The following NAV3 variants were observed in gnomAD, a reference collection of about 807,000 sequenced individuals.
The protein encoded by NAV3 is neuron navigator 3.
In NAV3, 87 loss-of-function variants were observed where a neutral mutation model predicts 244.7. The ratio of observed to expected loss-of-function variants is 0.36; its 90% confidence interval spans 0.30 to 0.42. The LOEUF is 0.42. Ranked by LOEUF, NAV3 falls within the 20% of genes least tolerant of loss-of-function variation. The pLI, the probability that NAV3 is intolerant of heterozygous loss-of-function variation, is 1.00. For synonymous variants in NAV3, 1,126 were observed against 1,042.2 expected, an observed-to-expected ratio of 1.08 and a Z score of -1.55; for missense variants, 2,663 against 2,893.3, an observed-to-expected ratio of 0.92 and a Z score of 1.83.
intron 2 of NAV3, among the ~76,000 whole-genome samples, chr12:77,641,391 T>C (rs1249784700): frequency 6.6e-6 from 1 of 152,092 alleles, no homozygotes; most frequent in Admixed American, 6.6e-5. Context: ...AGGCTACTGT[T>C]ACTTGTTGAA....
chr12:78,179,469 G>A (rs1958407065), intron 28 of NAV3, 60 bp from the exon 29 acceptor site: 1 of 1,601,790 alleles, frequency 6.2e-7, no homozygotes, highest in Middle Eastern at 1.7e-4. Flanking sequence ...AAAAGAGGCA[G>A]TGCTTTTCTT....
intron 38 of NAV3, among the ~76,000 whole-genome samples, chr12:78,202,994 T>C (rs537454726): frequency 6.6e-6 from 1 of 152,110 alleles, no homozygotes. Flanking sequence ...TATCTTCAGA[T>C]GAAGGCGGAT....
At chr12:78,095,280 T>A (rs2138103410) in intron 12 of NAV3, among the ~76,000 whole-genome samples, 1 of 152,170 alleles carries the variant, frequency 6.6e-6, no homozygotes, top group South Asian at 2.1e-4. Context: ...AGATAACTAA[T>A]TTCTGAAATT....
chr12:77,992,439 T>G (rs1051650963), intron 5 of NAV3, among the ~76,000 whole-genome samples: 2 of 152,202 alleles, frequency 1.3e-5, no homozygotes, highest in Non-Finnish European at 2.9e-5. Context: ...GTTGAGATTT[T>G]CAGCCTATAT....
At chr12:77,725,123 G>A (rs767851877) in intron 2 of NAV3, among the ~76,000 whole-genome samples, 19 of 151,902 alleles carry the variant, frequency 1.3e-4, no homozygotes, top group Non-Finnish European at 2.7e-4. Flanking sequence ...GGCGATACTG[G>A]TATTAAACTT....
chr12:77,859,017 T>C (rs7972338), intron 1 of NAV3, among the ~76,000 whole-genome samples: 69,283 of 151,894 alleles, frequency 0.46, 16,316 homozygotes, highest in East Asian at 0.57. Context: ...ATATTTCTTC[T>C]AATTTACTTT....
chr12:77,930,251 C>G (rs1174437116), intron 1 of NAV3, among the ~76,000 whole-genome samples: 1 of 152,110 alleles, frequency 6.6e-6, no homozygotes, highest in East Asian at 1.9e-4. Flanking sequence ...TATACTTACA[C>G]TATAATTTTC....
Position 77,666,179 on chromosome 12 carries a change from GTTT to G in NAV3, c.72+93930_72+93932del, listed in dbSNP as rs35767149. 2.7e-3 allele frequency among the ~76,000 whole-genome samples: 317 copies of G among 119,156 alleles called. 1 individual carries two copies. The highest frequency in any genetic ancestry group is 9.7e-3 in the African/African-American group (301 of 31,160). The allele number at this position is 119,156 out of a possible 152,430, so 78.2% of individuals were successfully genotyped here. On this transcript the variant is annotated intron_variant, in intron 2 of 8. Transcript: ENST00000550042. ...TGCTTCCAATAGCAACATGTTTACA[GTTT>G]TTTTTTTTTTTTTTTTGTCTAGTCA...
intron 34 of NAV3, 65 bp downstream of exon 34, chr12:78,190,284 A>G (rs979401637): frequency 2.2e-6 from 3 of 1,374,504 alleles, no homozygotes; most frequent in Non-Finnish European, 3.0e-6. Context: ...CAATCAAATT[A>G]TAAGATTTTG....
chr12:78,198,981 T>TC (rs1959315082), intron 36 of NAV3: 2 of 448,680 alleles, frequency 4.5e-6, no homozygotes, highest in Non-Finnish European at 8.1e-6. Context: ...GTTCACTATG[T>TC]CCCTGGTTAA....
intron 1 of NAV3, 98 bp from the exon 2 acceptor site, chr12:77,940,221 A>G (rs2137464216): frequency 1.2e-6 from 1 of 848,038 alleles, no homozygotes; most frequent in South Asian, 1.6e-5. Flanking sequence ...AATGTGATCC[A>G]GAATAGCTTC....
rs12318870 is a variant in NAV3 at position 77,794,338 on chromosome 12, A to T, written c.73-145981A>T. Among the ~76,000 whole-genome samples the T allele has an allele frequency of 5.9e-3, 892 of 152,260 alleles. 8 individuals are homozygous for T. Among genetic ancestry groups the T allele is most frequent in the African/African-American group, 0.021 (858 of 41,540 alleles). On this transcript the variant is annotated intron_variant, in intron 2 of 8. Transcript: ENST00000550042. ...CTTGTTTTCTAGCTGTCAGTAACAT[A>T]TTGATCAAATAAGTAAACTTTTTAG... is the stretch of plus-strand genomic sequence containing the variant.
Position 77,712,421 on chromosome 12 carries a change from A to G in NAV3, c.72+140155A>G, listed in dbSNP as rs946367655. On this transcript the variant is annotated intron_variant, in intron 2 of 8. Transcript: ENST00000550042. Reference sequence around the variant, plus strand: ...ATGGGCTCTCTCTATGGTGAAATCTATTGGAGACCCTATCCTTAAATCAAA... The same window carrying G: ...ATGGGCTCTCTCTATGGTGAAATCTGTTGGAGACCCTATCCTTAAATCAAA... Among the ~76,000 whole-genome samples the G allele has an allele frequency of 2.6e-5, 4 of 152,192 alleles. No individual in the cohort carries two copies. In the South Asian group the frequency reaches 6.2e-4, roughly 24 times the overall value.
chr12:77,819,638 G>T (rs1335650269), intron 2 of NAV3, among the ~76,000 whole-genome samples: 1 of 151,970 alleles, frequency 6.6e-6, no homozygotes, highest in Non-Finnish European at 1.5e-5. Context: ...GATTAAAAAT[G>T]AAATGTTTTA....
intron 12 of NAV3, among the ~76,000 whole-genome samples, chr12:78,093,385 G>C (rs184292233): frequency 3.3e-4 from 50 of 152,288 alleles, no homozygotes; most frequent in African/African-American, 1.2e-3. Flanking sequence ...TACAGAGCCA[G>C]AAATATAGCA....
Position 77,741,169 on chromosome 12 carries a change from AAAG to A in NAV3, c.72+168906_72+168908del, listed in dbSNP as rs1390556612. ...AAGACAAAAAAAAAAAAAAAAAAGA[AAAG>A]AAAGAAAAAGAAAAAGAAAATCCAG... On this transcript the variant is annotated intron_variant, in intron 2 of 8. Transcript: ENST00000550042. Among the ~76,000 whole-genome samples the A allele has an allele frequency of 5.4e-3, 799 of 148,276 alleles. 6 individuals carry two copies. The highest frequency in any genetic ancestry group is 0.018 in the African/African-American group (735 of 40,606).
At chr12:77,990,044 G>A (rs909766932) in intron 5 of NAV3, among the ~76,000 whole-genome samples, 1 of 152,154 alleles carries the variant, frequency 6.6e-6, no homozygotes, top group Non-Finnish European at 1.5e-5. Flanking sequence ...AACAAATTAA[G>A]TATATATCTG....
chr12:78,107,134 A>G (rs1220120776), intron 12 of NAV3, among the ~76,000 whole-genome samples: 1 of 152,258 alleles, frequency 6.6e-6, no homozygotes, highest in Admixed American at 6.5e-5. Flanking sequence ...AGCTTCAACA[A>G]TATCCTACAT....
intron 1 of NAV3, among the ~76,000 whole-genome samples, chr12:77,871,057 A>G (rs1454835381): frequency 6.6e-6 from 1 of 152,198 alleles, no homozygotes; most frequent in Non-Finnish European, 1.5e-5. Context: ...GGCCCATCAT[A>G]GGAGGCCCAC....
Sources: gnomAD v4.1 joint callset for allele counts (sites outside exome capture counted in the v4.1 genomes callset) on GRCh38, gnomAD v4.1.1 for gene constraint, MANE v1.5 for transcripts, NCBI Gene and HGNC (gene_info 2026-07-23, HGNC 2026-07-21) for gene names.